The following ILDR1 variants were observed in gnomAD, a reference collection of about 807,000 sequenced individuals.
ILDR1 encodes immunoglobulin-like domain-containing receptor 1.
In ILDR1, 56 loss-of-function variants were observed where a neutral mutation model predicts 62.4. The ratio of observed to expected loss-of-function variants is 0.90; its 90% CI spans 0.72 to 1.12. ILDR1 has a LOEUF of 1.12. Among genes scored for constraint, ILDR1 ranks in the 50% most tolerant of loss-of-function variants. The probability of loss-of-function intolerance (pLI) is 0.00; values close to 1 mark genes in which losing one functional copy is unlikely to be tolerated. For missense variants in ILDR1, 736 were observed against 710.6 expected, an observed-to-expected ratio of 1.04 and a Z score of -0.41; for synonymous variants, 284 against 277.8, an observed-to-expected ratio of 1.02 and a Z score of -0.22.
the ILDR1 span, among the ~76,000 whole-genome samples, chr3:122,039,907 AG>A: frequency 1.1e-4 from 17 of 152,076 alleles, no homozygotes; most frequent in East Asian, 3.8e-4. Context: ...TCAGTTAAAG[AG>A]AGACTACTTT....
Position 122,013,855 on chromosome 3 carries a change from C to T in ILDR1, c.59-6694G>A, listed in dbSNP as rs1343095676. On this transcript the variant is annotated intron_variant, in intron 1 of 7. Transcript: ENST00000344209. ...GTGCAGCACCCCGAGAAGGAAAGTG[C>T]TATGTGCTGAGCACTTACTATGTTG... Among the ~76,000 whole-genome samples, 5 of 152,144 alleles carry T rather than the reference C, an allele frequency of 3.3e-5. No homozygotes were observed. The South Asian group carries it at 6.2e-4, about 19-fold the overall frequency.
At chr3:122,014,108 A>G (rs529445460) in intron 1 of ILDR1, among the ~76,000 whole-genome samples, 1 of 152,368 alleles carries the variant, frequency 6.6e-6, no homozygotes, top group South Asian at 2.1e-4. Flanking sequence ...GTTGAGATTT[A>G]ACCCTTTGAG....
upstream of ILDR1, among the ~76,000 whole-genome samples, chr3:122,023,491 T>A (rs1179603799): frequency 6.6e-6 from 1 of 152,194 alleles, no homozygotes. Context: ...GTCGATATTT[T>A]TTCTCCTGAG....
chr3:122,011,116 C>G (rs1232240077), intron 1 of ILDR1, among the ~76,000 whole-genome samples: 1 of 152,160 alleles, frequency 6.6e-6, no homozygotes, highest in African/African-American at 2.4e-5. Context: ...TAAAATATAA[C>G]TGGTGCAGTC....
At position 121,993,272 on chromosome 3, in the gene ILDR1, G is replaced by C; in HGVS notation, c.1477C>G (p.Arg493Gly). ...EDKERQPQSW[R>G]AHRRGSHSPH... ...GAGTGCGAGCCGCGGCGGTGGGCCCGCCAGCTCTGGGGCTGCCTCTCCTTG... is the reference window on the plus strand; with the variant it reads ...GAGTGCGAGCCGCGGCGGTGGGCCCCCCAGCTCTGGGGCTGCCTCTCCTTG... The change falls in exon 7 of 8, where the codon CGG becomes GGG. Residue 493 changes from arginine to glycine, a missense_variant. Transcript: ENST00000344209. 6.2e-7 allele frequency: 1 copy of C among 1,613,424 alleles called. No homozygotes were observed.
chr3:122,058,444 C>A, the ILDR1 span, among the ~76,000 whole-genome samples: 1 of 152,134 alleles, frequency 6.6e-6, no homozygotes, highest in Admixed American at 6.5e-5. Context: ...GAGCAAAGAG[C>A]TAGTGCAAGA....
the ILDR1 span, among the ~76,000 whole-genome samples, chr3:122,060,750 A>T: frequency 2.0e-5 from 3 of 152,182 alleles, no homozygotes; most frequent in Non-Finnish European, 4.4e-5. Flanking sequence ...GTCATTTTAC[A>T]TGTTGGATTT....
chr3:122,022,252 C>T (rs907373312), upstream of ILDR1: 7 of 541,224 alleles, frequency 1.3e-5, no homozygotes, highest in African/African-American at 2.0e-5. Context: ...CCGCCCGGCT[C>T]GTCCCCACCT....
chr3:122,039,852 G>A, the ILDR1 span, among the ~76,000 whole-genome samples: 1 of 151,864 alleles, frequency 6.6e-6, no homozygotes. Context: ...TAAAATAAAT[G>A]ATAATAGCAC....
upstream of ILDR1, among the ~76,000 whole-genome samples, chr3:122,027,212 G>A (rs189557484): frequency 1.5e-3 from 233 of 152,012 alleles, no homozygotes; most frequent in Middle Eastern, 6.8e-3. Context: ...TTTTTGAGAC[G>A]GAGTTTCACT....
intron 1 of ILDR1, among the ~76,000 whole-genome samples, chr3:122,011,165 A>G (rs187825239): frequency 4.5e-4 from 69 of 152,340 alleles, no homozygotes; most frequent in African/African-American, 1.6e-3. Context: ...TAGGCTCCTT[A>G]TTTGGCTGAA....
intron 1 of ILDR1, among the ~76,000 whole-genome samples, chr3:122,017,935 CTG>C (rs1368228900): frequency 6.6e-6 from 1 of 152,198 alleles, no homozygotes; most frequent in Non-Finnish European, 1.5e-5. Context: ...CGCTTTTACA[CTG>C]TTGGTGGGAG....
Position 121,993,259 on chromosome 3 carries a change from CGGCGGTGG to C in ILDR1, c.1482_1489del (p.His495ArgfsTer14). 6.2e-7 allele frequency: 1 copy of C among 1,613,538 alleles called. No homozygotes were observed. The highest frequency in any genetic ancestry group is 8.5e-7 in the Non-Finnish European group (1 of 1,179,754). The stretch of plus-strand genomic sequence containing the variant: ...GGGCCAGTGTGGGGAGTGCGAGCCG[CGGCGGTGG>C]GCCCGCCAGCTCTGGGGCTGCCTCT... On this transcript the variant is annotated frameshift_variant, in exon 7 of 8. Coordinates refer to ENST00000344209, the MANE Select transcript of ILDR1 (RefSeq NM_001199799.2). LOFTEE classifies it high-confidence loss of function.
chr3:122,033,329 T>G, the ILDR1 span, among the ~76,000 whole-genome samples: 1 of 151,858 alleles, frequency 6.6e-6, no homozygotes, highest in East Asian at 1.9e-4. Flanking sequence ...GTTTTTTTAT[T>G]TATTCACTTT....
chr3:122,034,870 T>C, the ILDR1 span, among the ~76,000 whole-genome samples: 2 of 152,196 alleles, frequency 1.3e-5, no homozygotes, highest in African/African-American at 2.4e-5. Context: ...ACACCCCTTT[T>C]TGAAACCATC....
chr3:122,007,752 T>C (rs1200944187), intron 1 of ILDR1, among the ~76,000 whole-genome samples: 5 of 152,138 alleles, frequency 3.3e-5, no homozygotes, highest in Non-Finnish European at 7.4e-5. Flanking sequence ...ACTGCTCCAC[T>C]CTCTTCCCTG....
rs185869659 is a variant in ILDR1, at chr3:121,995,921, C to T, written c.647-1608G>A. Among the ~76,000 whole-genome samples the T allele has an allele frequency of 3.8e-3, 578 of 152,324 alleles. 3 individuals are homozygous for T. Among genetic ancestry groups the T allele is most frequent in the African/African-American group, 0.013 (528 of 41,562 alleles). ...AGAGCCAGGGTGTGAACCTGTGTGA[C>T]GCTCAAGCCTACACTCTTTGTGTGC... On this transcript the variant is annotated intron_variant, in intron 5 of 7. Coordinates refer to ENST00000344209, the MANE Select transcript of ILDR1 (RefSeq NM_001199799.2).
chr3:122,026,178 A>G (rs982865308), upstream of ILDR1, among the ~76,000 whole-genome samples: 3 of 152,218 alleles, frequency 2.0e-5, no homozygotes, highest in African/African-American at 4.8e-5. Flanking sequence ...TGGAGAGCCA[A>G]TGAAGAATTT....
At chr3:122,037,005 C>G in the ILDR1 span, among the ~76,000 whole-genome samples, 4 of 152,224 alleles carry the variant, frequency 2.6e-5, no homozygotes, top group Admixed American at 2.6e-4. Flanking sequence ...GGTGTTAGGC[C>G]AGCAGGTGTG....
Sources: gnomAD v4.1 joint callset for allele counts (sites outside exome capture counted in the v4.1 genomes callset) on GRCh38, gnomAD v4.1.1 for gene constraint, MANE v1.5 for transcripts, NCBI Gene and HGNC (gene_info 2026-07-23, HGNC 2026-07-21) for gene names.